DLG2: variants seen among roughly 807,000 people sequenced by gnomAD.
DLG2 encodes the protein disks large homolog 2.
Under a neutral mutation model 132.5 loss-of-function variants are expected in DLG2, and 45 were observed. The observed-to-expected ratio is 0.34, with a 90% CI of 0.27 to 0.44. The LOEUF (loss-of-function observed/expected upper bound fraction) is 0.44. DLG2 is among the 20% of genes least tolerant of loss of function. The pLI, the probability that DLG2 is intolerant of heterozygous loss-of-function variation, is 1.00. For synonymous variants in DLG2, 424 were observed against 419.6 expected, an observed-to-expected ratio of 1.01 and a Z score of -0.13; for missense variants, 1,045 against 1,196.9, an observed-to-expected ratio of 0.87 and a Z score of 1.87.
In DLG2 at chr11:85,155,362, T is replaced by C. The variant is rs142341983; in HGVS notation, c.187-711A>G. ...TCTTTTGGCAGCATCGATGAAATTG[T>C]GGCAGACTAAATTCTTAGTTTGCAA... On this transcript the variant is annotated intron_variant, in intron 4 of 27. Coordinates refer to ENST00000376104, the MANE Select transcript of DLG2 (RefSeq NM_001142699.3). Among the ~76,000 whole-genome samples, 386 of 152,348 alleles carry C rather than the reference T, an allele frequency of 2.5e-3. 3 individuals are homozygous for C. Among genetic ancestry groups the C allele is most frequent in the African/African-American group, 8.6e-3 (358 of 41,586 alleles).
chr11:84,882,685 T>C (rs1301031919), intron 6 of DLG2, among the ~76,000 whole-genome samples: 1 of 152,094 alleles, frequency 6.6e-6, no homozygotes, highest in African/African-American at 2.4e-5. Context: ...TCTATCCTTA[T>C]TCACTTACAT....
intron 15 of DLG2, among the ~76,000 whole-genome samples, chr11:83,903,185 T>C (rs1271109221): frequency 6.6e-6 from 1 of 152,052 alleles, no homozygotes; most frequent in Non-Finnish European, 1.5e-5. Context: ...GCAGTAAATA[T>C]GAGCTTTAAA....
At position 84,741,279 on chromosome 11, in the gene DLG2, C is replaced by T. The variant is rs965857212; in HGVS notation, c.358-206548G>A. Among the ~76,000 whole-genome samples, 10 of 151,864 alleles carry T rather than the reference C, an allele frequency of 6.6e-5. No individual in the cohort carries two copies. In the South Asian group the frequency reaches 2.1e-3, roughly 32 times the overall value. ...GACGGGGTTTCACCGTGGTCTCGAT[C>T]TCCTGACCTCGTGATCCGCCCGCCT... On this transcript the variant is annotated intron_variant, in intron 6 of 27. Coordinates refer to ENST00000376104, the MANE Select transcript of DLG2 (RefSeq NM_001142699.3).
chr11:83,701,979 A>G (rs1892949), intron 18 of DLG2, among the ~76,000 whole-genome samples: 6,061 of 152,326 alleles, frequency 0.04, 180 homozygotes, highest in Middle Eastern at 0.092. Context: ...CTAGGGAAAC[A>G]TCCTGAGGCT....
intron 18 of DLG2, among the ~76,000 whole-genome samples, chr11:83,753,056 T>C (rs1363567075): frequency 6.6e-6 from 1 of 152,172 alleles, no homozygotes; most frequent in African/African-American, 2.4e-5. Flanking sequence ...TTTTAGGTAG[T>C]ATTAACTGAG....
At chr11:85,262,966 T>C (rs1056199631) in intron 4 of DLG2, among the ~76,000 whole-genome samples, 3 of 152,102 alleles carry the variant, frequency 2.0e-5, no homozygotes, top group African/African-American at 7.2e-5. Context: ...AGCCCAGGGA[T>C]GAGTCTGAGG....
At chr11:85,270,011 T>G (rs2077429262) in intron 4 of DLG2, among the ~76,000 whole-genome samples, 1 of 152,200 alleles carries the variant, frequency 6.6e-6, no homozygotes, top group African/African-American at 2.4e-5. Flanking sequence ...AAGTGTTAGC[T>G]ATCATTAAAA....
At chr11:85,395,921 A>C (rs1565428473) in intron 3 of DLG2, among the ~76,000 whole-genome samples, 1 of 152,230 alleles carries the variant, frequency 6.6e-6, no homozygotes, top group Non-Finnish European at 1.5e-5. Context: ...TGGTTCTCTC[A>C]GCATGGGGTT....
intron 3 of DLG2, among the ~76,000 whole-genome samples, chr11:85,589,653 G>A (rs531276734): frequency 6.6e-6 from 1 of 152,196 alleles, no homozygotes; most frequent in African/African-American, 2.4e-5. Flanking sequence ...GCCCCACCCA[G>A]CTTTTACCCA....
chr11:84,098,834 G>A (rs909073277), intron 10 of DLG2, 89 bp downstream of exon 10: 6 of 1,455,376 alleles, frequency 4.1e-6, no homozygotes, highest in Admixed American at 2.2e-5. Flanking sequence ...CAGAACTTTT[G>A]TAGAATTATT....
At chr11:83,837,242 G>A (rs2056437834) in intron 16 of DLG2, among the ~76,000 whole-genome samples, 1 of 152,086 alleles carries the variant, frequency 6.6e-6, no homozygotes, top group African/African-American at 2.4e-5. Context: ...TAGGAGTAGG[G>A]GAATGGAATG....
At chr11:84,873,090 A>G (rs544338897) in intron 6 of DLG2, among the ~76,000 whole-genome samples, 62 of 152,224 alleles carry the variant, frequency 4.1e-4, no homozygotes, top group Admixed American at 6.5e-4. Flanking sequence ...CTTACATGGC[A>G]AAAGGGATTT....
Position 85,492,445 on chromosome 11 carries a change from A to T in DLG2, c.40+106212T>A, listed in dbSNP as rs897533218. On this transcript the variant is annotated intron_variant, in intron 3 of 27. Coordinates refer to ENST00000376104, the MANE Select transcript of DLG2 (RefSeq NM_001142699.3). ...AGATATACCATGGTTTTCTAAAAAA[A>T]ACTGCAGTGTAAACTTTCACATTCA... Among the ~76,000 whole-genome samples the T allele has an allele frequency of 5.9e-5, 9 of 152,288 alleles. 1 individual carries two copies. The highest frequency in any genetic ancestry group is 2.2e-4 in the African/African-American group (9 of 41,586).
chr11:84,257,678 G>GA (rs1279880816), intron 7 of DLG2, among the ~76,000 whole-genome samples: 7 of 144,584 alleles, frequency 4.8e-5, no homozygotes, highest in African/African-American at 1.8e-4. Context: ...GTTATCTCTG[G>GA]ATTTTTTTTT....
At chr11:84,330,255 T>C (rs2098452576) in intron 7 of DLG2, among the ~76,000 whole-genome samples, 1 of 152,214 alleles carries the variant, frequency 6.6e-6, no homozygotes, top group African/African-American at 2.4e-5. Flanking sequence ...GGATTCCATA[T>C]TGGTCCTAAA....
At chr11:84,650,849 ATGTGTGTG>A (rs138640341) in intron 6 of DLG2, among the ~76,000 whole-genome samples, 45 of 92,662 alleles carry the variant, frequency 4.9e-4, no homozygotes, top group Middle Eastern at 5.3e-3. Flanking sequence ...ACTTTCCTGT[ATGTGTGTG>A]TGTGTGTGTG....
At chr11:84,147,540 T>C (rs1476052834) in intron 9 of DLG2, among the ~76,000 whole-genome samples, 1 of 152,146 alleles carries the variant, frequency 6.6e-6, no homozygotes, top group Non-Finnish European at 1.5e-5. Context: ...TAATTTCTTA[T>C]CTAGCCTGGA....
chr11:84,066,390 G>A (rs768205308), intron 10 of DLG2, among the ~76,000 whole-genome samples: 6 of 152,104 alleles, frequency 3.9e-5, no homozygotes, highest in Non-Finnish European at 5.9e-5. Flanking sequence ...GGAAGCCTTG[G>A]TTAAAGATTC....
At chr11:85,194,994 T>C (rs1167211085) in intron 4 of DLG2, among the ~76,000 whole-genome samples, 2 of 152,144 alleles carry the variant, frequency 1.3e-5, no homozygotes, top group African/African-American at 4.8e-5. Context: ...GGCTCTGCAA[T>C]AGTAGACATA....
Sources: gnomAD v4.1 joint callset for allele counts (sites outside exome capture counted in the v4.1 genomes callset) on GRCh38, gnomAD v4.1.1 for gene constraint, MANE v1.5 for transcripts, NCBI Gene and HGNC (gene_info 2026-07-23, HGNC 2026-07-21) for gene names.